The following CRCP variants were observed in gnomAD, a reference collection of about 807,000 sequenced individuals.
CRCP encodes CGRP receptor component.
Under a neutral mutation model 18.5 loss-of-function variants are expected in CRCP, and 18 were observed. The observed-to-expected ratio is 0.97, with a 90% CI of 0.67 to 1.44. The LOEUF (loss-of-function observed/expected upper bound fraction) is 1.44, where lower values mean the gene tolerates loss of function less well. CRCP is among the 40% of genes most tolerant of loss of function. The probability of loss-of-function intolerance (pLI) is 0.00; values close to 1 mark genes in which losing one functional copy is unlikely to be tolerated. For synonymous variants in CRCP, 53 were observed against 62.9 expected, an observed-to-expected ratio of 0.84 and a Z score of 0.75; for missense variants, 130 against 176.4, an observed-to-expected ratio of 0.74 and a Z score of 1.49.
At chr7:66,118,730 G>A (rs796125012) in intron 1 of CRCP, among the ~76,000 whole-genome samples, 19 of 152,162 alleles carry the variant, frequency 1.2e-4, no homozygotes, top group African/African-American at 3.9e-4. Flanking sequence ...ATGTAATACC[G>A]GTTTTTGTCC....
rs1787797823 is a variant in CRCP at position 66,131,352 on chromosome 7, T to C, written c.144+510T>C. Reference sequence around the variant, plus strand: ...TTTAGAGTTTAGCCAGCTACAAAGTTAGAAGGAATAGTGTAAAAGATTGCC... The same window carrying C: ...TTTAGAGTTTAGCCAGCTACAAAGTCAGAAGGAATAGTGTAAAAGATTGCC... On this transcript the variant is annotated intron_variant, in intron 3 of 5. Transcript: ENST00000395326. Among the ~76,000 whole-genome samples, 3 of 152,162 alleles carry C rather than the reference T, an allele frequency of 2.0e-5. No individual in the cohort carries two copies. The South Asian group carries it at 6.2e-4, about 31-fold the overall frequency.
intron 2 of CRCP, chr7:66,130,146 C>T: frequency 3.8e-6 from 1 of 265,092 alleles, no homozygotes; most frequent in South Asian, 2.9e-5. Context: ...CGCTCTGTCA[C>T]CCAGGCTGGA....
intron 4 of CRCP, among the ~76,000 whole-genome samples, chr7:66,140,481 C>T (rs1245141130): frequency 4.0e-5 from 6 of 151,756 alleles, no homozygotes; most frequent in Admixed American, 1.3e-4. Flanking sequence ...CTGCAACTGC[C>T]GCCTCCTGGG....
chr7:66,117,718 A>G (rs1309711003), intron 1 of CRCP, among the ~76,000 whole-genome samples: 1 of 152,156 alleles, frequency 6.6e-6, no homozygotes, highest in Non-Finnish European at 1.5e-5. Flanking sequence ...GCTCCTGGGT[A>G]AAACCCTTCA....
intron 4 of CRCP, among the ~76,000 whole-genome samples, chr7:66,143,257 C>G (rs1788192256): frequency 6.6e-6 from 1 of 152,204 alleles, no homozygotes; most frequent in African/African-American, 2.4e-5. Flanking sequence ...CACTGTCTGC[C>G]TCCATTTTCT....
At chr7:66,133,023 G>A (rs1416656772) in intron 3 of CRCP, among the ~76,000 whole-genome samples, 2 of 152,144 alleles carry the variant, frequency 1.3e-5, no homozygotes, top group South Asian at 2.1e-4. Flanking sequence ...GAGGGATATC[G>A]AAGAATTTGT....
intron 2 of CRCP, among the ~76,000 whole-genome samples, chr7:66,128,108 C>G (rs1340692939): frequency 9.6e-6 from 1 of 103,834 alleles, no homozygotes; most frequent in Non-Finnish European, 2.0e-5. Context: ...GACCAAGGCT[C>G]TGTCTCAAAA....
chr7:66,129,130 A>G (rs28515704), intron 2 of CRCP, among the ~76,000 whole-genome samples: 60 of 152,066 alleles, frequency 3.9e-4, no homozygotes, highest in Non-Finnish European at 7.4e-5. Flanking sequence ...TCAGGAGATC[A>G]AGAACATCCT....
At chr7:66,118,631 A>G (rs1379424001) in intron 1 of CRCP, among the ~76,000 whole-genome samples, 1 of 152,244 alleles carries the variant, frequency 6.6e-6, no homozygotes, top group Non-Finnish European at 1.5e-5. Context: ...AGTCCCTGAT[A>G]TAAAACGGTG....
intron 4 of CRCP, among the ~76,000 whole-genome samples, chr7:66,136,459 A>C (rs182722744): frequency 1.3e-5 from 2 of 152,050 alleles, no homozygotes; most frequent in Admixed American, 1.3e-4. Flanking sequence ...CGAACTCCCA[A>C]CCTCAGGTGA....
intron 2 of CRCP, 44 bp downstream of exon 2, chr7:66,127,784 C>A: frequency 6.3e-7 from 1 of 1,597,346 alleles, no homozygotes; most frequent in Non-Finnish European, 8.6e-7. Flanking sequence ...GTTTGCCCTT[C>A]GCTCCTGAGA....
chr7:66,151,752 C>T (rs10256691), intron 5 of CRCP, among the ~76,000 whole-genome samples: 18,110 of 38,062 alleles, frequency 0.48, 3,689 homozygotes, highest in African/African-American at 0.59. Context: ...TTTTTCTTTT[C>T]TTTTTTTTTT....
At chr7:66,140,379 TTTC>T (rs1161791777) in intron 4 of CRCP, among the ~76,000 whole-genome samples, 1 of 151,436 alleles carries the variant, frequency 6.6e-6, no homozygotes, top group African/African-American at 2.4e-5. Context: ...TGTCTGGAGA[TTTC>T]TTCTTTTCTT....
intron 4 of CRCP, among the ~76,000 whole-genome samples, chr7:66,135,812 T>G (rs1293514063): frequency 6.6e-6 from 1 of 151,970 alleles, no homozygotes; most frequent in African/African-American, 2.4e-5. Context: ...TCCCAACTAC[T>G]AGGGAGGCTG....
intron 4 of CRCP, among the ~76,000 whole-genome samples, chr7:66,141,136 G>A (rs2116001824): frequency 6.6e-6 from 1 of 152,274 alleles, no homozygotes; most frequent in East Asian, 1.9e-4. Context: ...CCAACAGCCA[G>A]AAGAGGGAGC....
intron 5 of CRCP, among the ~76,000 whole-genome samples, chr7:66,147,264 G>A (rs573189544): frequency 2.0e-5 from 3 of 151,746 alleles, no homozygotes; most frequent in East Asian, 1.9e-4. Flanking sequence ...ACTTGAACCC[G>A]GGAGGCCAAG....
chr7:66,123,819 G>C lies in CRCP; in HGVS notation c.9-3885G>C, dbSNP rs1483358183. Among the ~76,000 whole-genome samples, 3 of 150,842 alleles carry C rather than the reference G, an allele frequency of 2.0e-5. No homozygotes were observed. The East Asian group carries it at 5.8e-4, about 29-fold the overall frequency. Reference sequence around the variant, plus strand: ...TGTAATCCCAGCACTTTGGGAGGCCGAGGCGGGCGGATCATAAGGTCAGGA... The same window carrying C: ...TGTAATCCCAGCACTTTGGGAGGCCCAGGCGGGCGGATCATAAGGTCAGGA... On this transcript the variant is annotated intron_variant, in intron 1 of 5. Transcript: ENST00000395326.
intron 4 of CRCP, among the ~76,000 whole-genome samples, chr7:66,143,467 G>A (rs928257726): frequency 3.3e-5 from 5 of 152,092 alleles, no homozygotes; most frequent in African/African-American, 9.7e-5. Flanking sequence ...CTCTGGGCAC[G>A]TCCTTGTGTT....
rs1317166121 is a variant in CRCP at position 66,127,747 on chromosome 7, T to A, written c.45+7T>A. 3 of 1,613,796 alleles carry A rather than the reference T, an allele frequency of 1.9e-6. No homozygotes were observed. Among genetic ancestry groups the A allele is most frequent in the Non-Finnish European group, 2.5e-6 (3 of 1,179,770 alleles). On this transcript the variant is annotated splice_region_variant and intron_variant, in intron 2 of 5. Transcript: ENST00000395326. ...GCTTCTCAGTAACTACGAGGTAAAT[T>A]GGATTGTTACATTTTCCTCTCTGAT...
Sources: gnomAD v4.1 joint callset for allele counts (sites outside exome capture counted in the v4.1 genomes callset) on GRCh38, gnomAD v4.1.1 for gene constraint, MANE v1.5 for transcripts, NCBI Gene and HGNC (gene_info 2026-07-23, HGNC 2026-07-21) for gene names.